PPP1R12A: variants seen among roughly 807,000 people sequenced by gnomAD.
PPP1R12A encodes the protein myosin binding subunit.
A neutral mutation model predicts 139.6 loss-of-function variants in PPP1R12A; 19 were observed. That is an observed-to-expected ratio of 0.14 (90% confidence interval 0.09 to 0.20). PPP1R12A has a LOEUF of 0.20. Ranked by LOEUF, PPP1R12A falls within the 10% of genes least tolerant of loss-of-function variation. PPP1R12A has a pLI of 1.00. For synonymous variants in PPP1R12A, 427 were observed against 420.6 expected, an observed-to-expected ratio of 1.02 and a Z score of -0.19; for missense variants, 925 against 1,211.5, an observed-to-expected ratio of 0.76 and a Z score of 3.51.
At chr12:79,833,846 G>GAAAAAAAAAAAA (rs371589074) in intron 3 of PPP1R12A, among the ~76,000 whole-genome samples, 2 of 116,738 alleles carry the variant, frequency 1.7e-5, no homozygotes, top group Non-Finnish European at 3.3e-5. Flanking sequence ...CAAAGAAAAG[G>GAAAAAAAAAAAA]AAAAAAAAAA....
At chr12:79,874,306 A>AT (rs1207383606) in intron 1 of PPP1R12A, among the ~76,000 whole-genome samples, 13 of 152,016 alleles carry the variant, frequency 8.6e-5, no homozygotes, top group African/African-American at 2.7e-4. Flanking sequence ...AATTAACAGT[A>AT]TATTTGTTGC....
At chr12:79,788,871 G>C in intron 20 of PPP1R12A, 88 bp from the exon 21 acceptor site, 1 of 1,122,280 alleles carries the variant, frequency 8.9e-7, no homozygotes, top group Non-Finnish European at 1.2e-6. Context: ...TAACTTGACA[G>C]TTCAAAAGAG....
intron 1 of PPP1R12A, among the ~76,000 whole-genome samples, chr12:79,903,816 A>G (rs576213988): frequency 6.6e-6 from 1 of 152,222 alleles, no homozygotes. Context: ...CTTCAAAAAA[A>G]TAAATAAATG....
intron 3 of PPP1R12A, among the ~76,000 whole-genome samples, chr12:79,842,614 T>TGTGTGTGA (rs1565772501): frequency 6.7e-6 from 1 of 149,734 alleles, no homozygotes; most frequent in African/African-American, 2.5e-5. Flanking sequence ...TGTGTGTGTG[T>TGTGTGTGA]GAGTCCTGCC....
chr12:79,788,832 T>G, intron 20 of PPP1R12A, 49 bp from the exon 21 acceptor site: 1 of 1,479,198 alleles, frequency 6.8e-7, no homozygotes, highest in Non-Finnish European at 9.1e-7. Flanking sequence ...GCTTTTACAA[T>G]TATAACAACA....
intron 1 of PPP1R12A, among the ~76,000 whole-genome samples, chr12:79,912,655 T>C (rs949887319): frequency 7.3e-5 from 11 of 150,470 alleles, no homozygotes; most frequent in Non-Finnish European, 1.0e-4. Flanking sequence ...GATTGTGCCA[T>C]TGCACTCTAG....
At chr12:79,928,086 A>G (rs1187310830) in intron 1 of PPP1R12A, among the ~76,000 whole-genome samples, 1 of 152,216 alleles carries the variant, frequency 6.6e-6, no homozygotes, top group Admixed American at 6.5e-5. Flanking sequence ...AAATCATCTA[A>G]TAAGATTTTT....
At chr12:79,915,531 A>C (rs774520689) in intron 1 of PPP1R12A, among the ~76,000 whole-genome samples, 1 of 152,178 alleles carries the variant, frequency 6.6e-6, no homozygotes, top group Non-Finnish European at 1.5e-5. Context: ...GTTGTCAGAC[A>C]CCAGGCTTGC....
chr12:79,913,652 G>T (rs1269220031), intron 1 of PPP1R12A: 1 of 152,146 alleles, frequency 6.6e-6, no homozygotes, highest in Non-Finnish European at 1.5e-5. Flanking sequence ...TGACTTGGCT[G>T]TGCCTGGTCT....
intron 3 of PPP1R12A, among the ~76,000 whole-genome samples, chr12:79,833,338 A>G (rs926884206): frequency 1.3e-5 from 2 of 152,060 alleles, no homozygotes; most frequent in African/African-American, 4.8e-5. Context: ...AGAGCTCAAC[A>G]CCTTGGAAAA....
At chr12:79,881,131 T>C (rs1429963850) in intron 1 of PPP1R12A, among the ~76,000 whole-genome samples, 1 of 152,098 alleles carries the variant, frequency 6.6e-6, no homozygotes, top group East Asian at 1.9e-4. Context: ...AATAACAATA[T>C]TAAAATTAGA....
chr12:79,899,407 A>AACT (rs1885433973), intron 1 of PPP1R12A, among the ~76,000 whole-genome samples: 1 of 151,920 alleles, frequency 6.6e-6, no homozygotes, highest in Admixed American at 6.6e-5. Flanking sequence ...ATTCAGAGTC[A>AACT]ACTACTGTTC....
intron 14 of PPP1R12A, among the ~76,000 whole-genome samples, chr12:79,801,098 T>C (rs1490506724): frequency 1.3e-5 from 2 of 150,812 alleles, no homozygotes; most frequent in Non-Finnish European, 3.0e-5. Flanking sequence ...GTAATCCCAG[T>C]AGTTTGGGAG....
chr12:79,829,283 C>G (rs1429507209), intron 4 of PPP1R12A, among the ~76,000 whole-genome samples: 1 of 152,110 alleles, frequency 6.6e-6, no homozygotes, highest in African/African-American at 2.4e-5. Context: ...CTCATGAAAT[C>G]TAGTTAACCT....
At chr12:79,894,071 C>G (rs1884908634) in intron 1 of PPP1R12A, among the ~76,000 whole-genome samples, 1 of 152,208 alleles carries the variant, frequency 6.6e-6, no homozygotes, top group South Asian at 2.1e-4. Flanking sequence ...GAAACCTACA[C>G]TTCCTAGTTA....
chr12:79,909,716 GA>G (rs1424550651), intron 1 of PPP1R12A, among the ~76,000 whole-genome samples: 1 of 122,670 alleles, frequency 8.2e-6, no homozygotes, highest in Non-Finnish European at 1.8e-5. Flanking sequence ...CCTGGTGACA[GA>G]ACTCCGTCTT....
At chr12:79,848,400 G>A (rs1012179003) in intron 2 of PPP1R12A, among the ~76,000 whole-genome samples, 1 of 151,976 alleles carries the variant, frequency 6.6e-6, no homozygotes, top group Non-Finnish European at 1.5e-5. Context: ...TTCTGCTTGG[G>A]TATCACAAAT....
chr12:79,797,484 T>C (rs1872620090), intron 15 of PPP1R12A, 89 bp from the exon 16 acceptor site: 2 of 1,249,840 alleles, frequency 1.6e-6, no homozygotes, highest in Non-Finnish European at 2.2e-6. Context: ...TACATACAAA[T>C]GCATTAAAAG....
upstream of PPP1R12A, chr12:79,935,398 G>C: frequency 1.0e-6 from 1 of 993,068 alleles, no homozygotes; most frequent in Non-Finnish European, 1.2e-6. Context: ...GTCGGGCTGG[G>C]GGCTCCCGGG....
Sources: allele counts gnomAD v4.1 joint callset (sites outside exome capture counted in the v4.1 genomes callset), GRCh38; gene constraint gnomAD v4.1.1; transcripts MANE v1.5; gene names NCBI Gene and HGNC (gene_info 2026-07-23, HGNC 2026-07-21).